Variants in UBE3A observed in about 807,000 individuals in gnomAD.
UBE3A encodes the protein ubiquitin-protein ligase E3A.
In UBE3A, 6 loss-of-function variants were observed where a neutral mutation model predicts 83.4. The observed-to-expected ratio is 0.07, with a 90% confidence interval of 0.04 to 0.14. UBE3A has a LOEUF of 0.14. Ranked by LOEUF, UBE3A falls within the 10% of genes least tolerant of loss-of-function variation. The pLI, the probability that UBE3A is intolerant of heterozygous loss-of-function variation, is 1.00. For synonymous variants in UBE3A, 337 were observed against 355.4 expected (o/e 0.95, Z 0.58); for missense variants, 456 against 1,036.1 (o/e 0.44, Z 7.69).
intron 1 of UBE3A, chr15:25,418,227 G>A (rs182106790): frequency 3.3e-5 from 5 of 151,900 alleles, no homozygotes; most frequent in South Asian, 2.1e-4. Context: ...GTCAGCATGC[G>A]GCACATGACT....
At chr15:25,399,709 C>T (rs891939597) in intron 4 of UBE3A, among the ~76,000 whole-genome samples, 3 of 151,842 alleles carry the variant, frequency 2.0e-5, no homozygotes, top group South Asian at 2.1e-4. Flanking sequence ...GCTAGGACTA[C>T]AGATACACAG....
intron 11 of UBE3A, among the ~76,000 whole-genome samples, chr15:25,341,393 T>TA (rs2074762221): frequency 6.6e-6 from 1 of 151,382 alleles, no homozygotes; most frequent in African/African-American, 2.4e-5. Flanking sequence ...ATGTTAAGAT[T>TA]AAAAAATTAA....
At chr15:25,407,720 T>C (rs931906912) in intron 3 of UBE3A, 5 of 152,218 alleles carry the variant, frequency 3.3e-5, no homozygotes, top group Non-Finnish European at 7.3e-5. Flanking sequence ...AAAATAAATC[T>C]GTCCTGGGTC....
intron 6 of UBE3A, among the ~76,000 whole-genome samples, chr15:25,361,310 G>A (rs1036998698): frequency 4.6e-5 from 7 of 151,960 alleles, no homozygotes; most frequent in Admixed American, 4.6e-4. Flanking sequence ...ATTTTTAGTA[G>A]AGATGGGGTT....
intron 5 of UBE3A, 63 bp downstream of exon 5, chr15:25,375,402 T>C (rs1214044705): frequency 9.0e-6 from 14 of 1,552,394 alleles, no homozygotes; most frequent in Admixed American, 7.6e-5. Flanking sequence ...TAAAAACTAA[T>C]ACATTTAAAT....
chr15:25,420,220 G>A (rs2153144841), intron 1 of UBE3A, among the ~76,000 whole-genome samples: 1 of 152,210 alleles, frequency 6.6e-6, no homozygotes, highest in Non-Finnish European at 1.5e-5. Context: ...TAATATCAAA[G>A]TAGACTTTAG....
rs2153086983 is a variant in UBE3A at position 25,411,920 on chromosome 15, A to T, written c.-113T>A. 6.6e-6 allele frequency: 1 copy of T among 152,330 alleles called. No homozygotes were observed. The highest frequency in any genetic ancestry group is 1.9e-4 in the East Asian group (1 of 5,178). 9.4% of individuals were successfully genotyped at this position (152,330 alleles called of 1,614,324 possible). A position where few individuals can be genotyped will look rare whatever the true frequency, so the allele number is the denominator to read the frequency against. On this transcript the variant is annotated 5_prime_UTR_variant, in exon 2 of 13. It adds an upstream start codon to the 5' untranslated region. Coordinates refer to ENST00000648336, the MANE Select transcript of UBE3A (RefSeq NM_130839.5). ...AACAAAAACATACCATATTTCGCCA[A>T]ACTTCTGAGGAGCTGGTGAATTCTA...
intron 5 of UBE3A, chr15:25,374,614 C>T (rs2080882258): frequency 6.6e-6 from 1 of 152,148 alleles, no homozygotes; most frequent in South Asian, 2.1e-4. Flanking sequence ...AACACAATGC[C>T]ACTTCACTAA....
chr15:25,395,979 C>G (rs1292290060), intron 4 of UBE3A, among the ~76,000 whole-genome samples: 2 of 151,966 alleles, frequency 1.3e-5, no homozygotes, highest in African/African-American at 4.8e-5. Context: ...CCGAGGCAGG[C>G]AGATCACGAG....
intron 5 of UBE3A, chr15:25,373,915 G>C (rs549129444): frequency 1.3e-5 from 2 of 152,274 alleles, no homozygotes; most frequent in East Asian, 3.9e-4. Flanking sequence ...ATTTTTATAA[G>C]ATTTCTTGTG....
chr15:25,360,268 T>C (rs1022808205), intron 7 of UBE3A, 115 bp downstream of exon 7: 2 of 1,414,308 alleles, frequency 1.4e-6, no homozygotes, highest in African/African-American at 1.4e-5. Flanking sequence ...GGGTAATCCA[T>C]ACCAAATCCT....
In UBE3A at chr15:25,340,127, T is replaced by C; in HGVS notation, c.2456A>G (p.Lys819Arg). ...ATTTTTGGCTATAATCATCTTTAAT[T>C]TTCCTAGTCCTCCCACAGGTGCTCT... The part of the protein sequence containing the change: ...TDRAPVGGLG[K>R]LKMIIAKNGP... Residue 819 changes from lysine to arginine, a missense_variant, in exon 12 of 13, where the codon AAA becomes AGA. Lys to Arg is a conservative substitution (Grantham distance 26, BLOSUM62 2). Transcript: ENST00000648336. The C allele has an allele frequency of 1.2e-6, 2 of 1,614,078 alleles. No homozygotes were observed. The highest frequency in any genetic ancestry group is 1.7e-6 in the Non-Finnish European group (2 of 1,179,958).
intron 6 of UBE3A, among the ~76,000 whole-genome samples, chr15:25,366,695 G>A (rs1037219471): frequency 2.6e-5 from 4 of 152,040 alleles, no homozygotes; most frequent in African/African-American, 9.7e-5. Context: ...AAAAATCTGA[G>A]TTTCCAAAAC....
At chr15:25,400,244 C>CA (rs2086754297) in intron 4 of UBE3A, among the ~76,000 whole-genome samples, 1 of 152,168 alleles carries the variant, frequency 6.6e-6, no homozygotes, top group Non-Finnish European at 1.5e-5. Context: ...TAAGTACAAT[C>CA]ATCCCTCGGT....
intron 1 of UBE3A, among the ~76,000 whole-genome samples, chr15:25,427,604 A>C (rs1891712882): frequency 4.6e-5 from 1 of 21,538 alleles, no homozygotes; most frequent in African/African-American, 7.2e-5. Context: ...CATCTCTACA[A>C]AAAAAAAAAA....
chr15:25,430,096 TATATTATATATATAATACATATATATA>T (rs1892772896), intron 1 of UBE3A, among the ~76,000 whole-genome samples: 1 of 97,934 alleles, frequency 1.0e-5, no homozygotes, highest in East Asian at 3.5e-4. Flanking sequence ...AGATTATATA[TATATTATATATATAATACATATATATA>T]AGATTATATA....
rs187925417 is a variant in UBE3A, at chr15:25,353,843, T to C, written c.2354+510A>G. 3.0e-3 allele frequency among the ~76,000 whole-genome samples: 461 copies of C among 152,246 alleles called. 1 individual carries two copies. Among genetic ancestry groups the C allele is most frequent in the Admixed American group, 6.1e-3 (94 of 15,286 alleles). On this transcript the variant is annotated intron_variant, in intron 11 of 12. Transcript: ENST00000648336. ...GCATTTGCTTAAAAGCAGATAGAAC[T>C]GGGAACCTCTACATCTTTCTGTGAG...
intron 11 of UBE3A, chr15:25,346,990 G>A (rs573490886): frequency 6.6e-6 from 1 of 152,308 alleles, no homozygotes; most frequent in African/African-American, 2.4e-5. Flanking sequence ...AAGAAGCTGA[G>A]CGAACCCCAA....
chr15:25,369,729 G>A (rs2079985446), intron 6 of UBE3A, among the ~76,000 whole-genome samples: 1 of 152,164 alleles, frequency 6.6e-6, no homozygotes, highest in African/African-American at 2.4e-5. Context: ...TTGGTGAAAT[G>A]TGACTGACGA....
Sources: allele counts gnomAD v4.1 joint callset (sites outside exome capture counted in the v4.1 genomes callset), GRCh38; gene constraint gnomAD v4.1.1; transcripts MANE v1.5; gene names NCBI Gene and HGNC (gene_info 2026-07-23, HGNC 2026-07-21).